Variants in SLC25A53 observed in about 807,000 individuals in gnomAD.
SLC25A53 encodes solute carrier family 25 member 53, also known as mitochondrial carrier triple repeat protein 6.
In SLC25A53, 5 loss-of-function variants were observed where a neutral mutation model predicts 15.0. That is an observed-to-expected ratio of 0.33 (90% CI 0.17 to 0.70). The LOEUF is 0.70. Ranked by LOEUF, SLC25A53 falls within the 30% of genes least tolerant of loss-of-function variation. The pLI is 0.67. For missense variants in SLC25A53, 216 were observed against 241.6 expected, an observed-to-expected ratio of 0.89 and a Z score of 0.70; for synonymous variants, 95 against 100.0, an observed-to-expected ratio of 0.95 and a Z score of 0.30.
At chrX:104,155,388 G>A (rs1556371190) in intron 1 of SLC25A53, among the ~76,000 whole-genome samples, 1 of 111,043 alleles carries the variant, frequency 9.0e-6, no homozygotes, top group Non-Finnish European at 1.9e-5. Context: ...AAATTCGGGG[G>A]TCCACTCCTG....
intron 1 of SLC25A53, chrX:104,113,960 A>T (rs2075362405): frequency 3.2e-6 from 3 of 948,295 alleles, no homozygotes; most frequent in Non-Finnish European, 4.2e-6. Context: ...ACAGCCCACT[A>T]TCTTATTAAC....
intron 1 of SLC25A53, among the ~76,000 whole-genome samples, chrX:104,152,729 C>T (rs992271104): frequency 8.9e-6 from 1 of 112,022 alleles, no homozygotes; most frequent in Non-Finnish European, 1.9e-5. Flanking sequence ...TGAGCCACCG[C>T]GCCCAGCCTG....
chrX:104,144,986 A>C (rs1556368342), intron 1 of SLC25A53, among the ~76,000 whole-genome samples: 1 of 111,840 alleles, frequency 8.9e-6, no homozygotes, highest in Non-Finnish European at 1.9e-5. Flanking sequence ...AGAACTCTCC[A>C]CCCCAAATCA....
chrX:104,130,349 T>C (rs868968617), intron 1 of SLC25A53, among the ~76,000 whole-genome samples: 35 of 111,386 alleles, frequency 3.1e-4, no homozygotes, highest in Admixed American at 2.7e-3. Flanking sequence ...TTAATGTGTA[T>C]GTATGGCTTT....
chrX:104,111,754 G>A (rs1405948799), intron 1 of SLC25A53, among the ~76,000 whole-genome samples: 2 of 111,828 alleles, frequency 1.8e-5, no homozygotes, highest in Non-Finnish European at 3.8e-5. Flanking sequence ...AGCAACAGAC[G>A]GTGCTAGGTT....
Position 104,101,011 on chromosome X carries a change from C to G in SLC25A53, c.*3323G>C, listed in dbSNP as rs2075277854. On this transcript the variant is annotated 3_prime_UTR_variant, in exon 2 of 2. Transcript: ENST00000594199. ...GCCCTTCAGACACCAGTCGCAAATC[C>G]AAGCCTCCAGAACTTCTGACAGATG... The G allele has an allele frequency of 8.9e-6, 1 of 112,202 alleles. No homozygotes were observed. The allele number at this position is 112,202 out of a possible 1,213,427, so 9.2% of individuals were successfully genotyped here.
In SLC25A53 at chrX:104,101,943, T is replaced by C. The variant is rs1158712139; in HGVS notation, c.*2391A>G. On this transcript the variant is annotated 3_prime_UTR_variant, in exon 2 of 2. Transcript: ENST00000594199. ...AAGAAAGGGACATGGATGGACAGAA[T>C]GACATAAGTGGAAATCACCAGTGTA... 8.9e-6 allele frequency: 1 copy of C among 112,486 alleles called. No homozygotes were observed. The highest frequency in any genetic ancestry group is 1.9e-5 in the Non-Finnish European group (1 of 53,311). The allele number at this position is 112,486 out of a possible 1,213,427, so 9.3% of individuals were successfully genotyped here.
At chrX:104,116,203 C>T (rs1307653547) in intron 1 of SLC25A53, among the ~76,000 whole-genome samples, 1 of 111,226 alleles carries the variant, frequency 9.0e-6, no homozygotes, top group Non-Finnish European at 1.9e-5. Context: ...CCTGCCCGAT[C>T]TCTTGACCTC....
At chrX:104,134,291 C>T (rs1241650762) in intron 1 of SLC25A53, among the ~76,000 whole-genome samples, 1 of 112,044 alleles carries the variant, frequency 8.9e-6, no homozygotes, top group African/African-American at 3.2e-5. Context: ...TTCTCCCCTT[C>T]CCCCTACCCA....
rs143991478 is a variant in SLC25A53 at position 104,126,391 on chromosome X, C to A, written c.-31-21103G>T. On this transcript the variant is annotated intron_variant, in intron 1 of 1. Transcript: ENST00000594199. ...TTAGAAGGCCTGGCACAGTGGCTCA[C>A]ACCTGTATTCCCAGCACTTTGGGAG... 6.6e-3 allele frequency among the ~76,000 whole-genome samples: 725 copies of A among 109,128 alleles called. 15 individuals carry two copies. The East Asian group carries it at 0.12, about 18-fold the overall frequency. The allele number at this position is 109,128 out of a possible 115,157, so 94.8% of individuals were successfully genotyped here. A position where few individuals can be genotyped will look rare whatever the true frequency, so the allele number is the denominator to read the frequency against.
intron 1 of SLC25A53, chrX:104,113,925 G>A (rs1285791194): frequency 3.1e-6 from 2 of 636,612 alleles, no homozygotes; most frequent in Non-Finnish European, 4.6e-6. Flanking sequence ...GGAAGATAGA[G>A]AATGCTACTG....
At chrX:104,108,110 A>T (rs1469619234) in intron 1 of SLC25A53, among the ~76,000 whole-genome samples, 2 of 111,863 alleles carry the variant, frequency 1.8e-5, no homozygotes, top group African/African-American at 6.5e-5. Flanking sequence ...CCATTTTATA[A>T]ATCCAATCCT....
At chrX:104,139,896 G>A (rs1411911361) in intron 1 of SLC25A53, among the ~76,000 whole-genome samples, 1 of 113,239 alleles carries the variant, frequency 8.8e-6, no homozygotes, top group Non-Finnish European at 1.9e-5. Flanking sequence ...AACACTCTAT[G>A]CAAGACATTG....
intron 1 of SLC25A53, chrX:104,112,518 G>C (rs782440597): frequency 8.8e-6 from 1 of 113,817 alleles, no homozygotes; most frequent in African/African-American, 3.2e-5. Context: ...CGCCCGGCCC[G>C]TCACGCTCTT....
rs1370341864 is a variant in SLC25A53, at chrX:104,100,363, G to A, written c.*3971C>T. ...TTTAGTGTTAAATTGTATATTTTAT[G>A]TGTTTAAACAGATATAGATATTTAT... On this transcript the variant is annotated 3_prime_UTR_variant, in exon 2 of 2. Coordinates refer to ENST00000594199, the MANE Select transcript of SLC25A53 (RefSeq NM_001012755.5). The A allele has an allele frequency of 1.8e-5, 2 of 110,660 alleles. No individual in the cohort carries two copies. Among genetic ancestry groups the A allele is most frequent in the East Asian group, 5.6e-4 (2 of 3,542 alleles). The allele number at this position is 110,660 out of a possible 1,213,427, so 9.1% of individuals were successfully genotyped here.
chrX:104,115,091 C>A (rs2075370993), intron 1 of SLC25A53: 1 of 1,200,364 alleles, frequency 8.3e-7, no homozygotes, highest in Non-Finnish European at 1.1e-6. Context: ...AGTGGTGGTT[C>A]TGGGTATAAG....
chrX:104,132,803 A>G (rs188661801), intron 1 of SLC25A53, among the ~76,000 whole-genome samples: 1 of 112,128 alleles, frequency 8.9e-6, no homozygotes, highest in African/African-American at 3.2e-5. Flanking sequence ...TACTGACTTG[A>G]AGACAAGAGG....
rs1479047968 is a variant in SLC25A53, at chrX:104,101,333, T to C, written c.*3001A>G. 1.8e-5 allele frequency: 2 copies of C among 111,359 alleles called. No individual in the cohort carries two copies. Among genetic ancestry groups the C allele is most frequent in the African/African-American group, 6.5e-5 (2 of 30,538 alleles). The allele number at this position is 111,359 out of a possible 1,213,427, so 9.2% of individuals were successfully genotyped here. On this transcript the variant is annotated 3_prime_UTR_variant, in exon 2 of 2. Coordinates refer to ENST00000594199, the MANE Select transcript of SLC25A53 (RefSeq NM_001012755.5). ...GCGTAGGCATGATTGATTAAATCAT[T>C]GGCCACTGGTGATCAACTTAACCTT...
rs1316293297 is a variant in SLC25A53 at position 104,102,894 on chromosome X, G to T, written c.*1440C>A. ...TCACGCCTGTAATCCCAGCACTTTG[G>T]GAGACCGAGGTGGGTGGATCACCTG... On this transcript the variant is annotated 3_prime_UTR_variant, in exon 2 of 2. Coordinates refer to ENST00000594199, the MANE Select transcript of SLC25A53 (RefSeq NM_001012755.5). The T allele has an allele frequency of 9.1e-6, 1 of 110,483 alleles. No homozygotes were observed. Among genetic ancestry groups the T allele is most frequent in the Non-Finnish European group, 1.9e-5 (1 of 52,882 alleles). The allele number at this position is 110,483 out of a possible 1,213,427, so 9.1% of individuals were successfully genotyped here.
Sources: allele counts gnomAD v4.1 joint callset (sites outside exome capture counted in the v4.1 genomes callset), GRCh38; gene constraint gnomAD v4.1.1; transcripts MANE v1.5; gene names NCBI Gene and HGNC (gene_info 2026-07-23, HGNC 2026-07-21).